CTNNA2: variants seen among roughly 807,000 people sequenced by gnomAD.
The protein encoded by CTNNA2 is catenin alpha 2.
Under a neutral mutation model 101.0 loss-of-function variants are expected in CTNNA2, and 42 were observed. The ratio of observed to expected loss-of-function variants is 0.42; its 90% CI spans 0.32 to 0.54. The LOEUF (loss-of-function observed/expected upper bound fraction) is 0.54. Ranked by LOEUF, CTNNA2 falls within the 20% of genes least tolerant of loss-of-function variation. The pLI, the probability that CTNNA2 is intolerant of heterozygous loss-of-function variation, is 0.14. For synonymous variants in CTNNA2, 450 were observed against 456.4 expected (o/e 0.99, Z 0.18); for missense variants, 871 against 1,223.1 (o/e 0.71, Z 4.29).
chr2:80,306,048 A>C (rs1676908331), intron 7 of CTNNA2, among the ~76,000 whole-genome samples: 1 of 152,202 alleles, frequency 6.6e-6, no homozygotes, highest in South Asian at 2.1e-4. Context: ...CTTAGCATCT[A>C]AGCTGAAGAG....
At chr2:79,854,352 G>C (rs752263032) in intron 3 of CTNNA2, among the ~76,000 whole-genome samples, 1 of 152,232 alleles carries the variant, frequency 6.6e-6, no homozygotes, top group South Asian at 2.1e-4. Flanking sequence ...AAGGCCCCAT[G>C]TTGGGTGCTT....
chr2:79,885,755 C>T (rs767210635), intron 6 of CTNNA2, among the ~76,000 whole-genome samples: 5 of 152,174 alleles, frequency 3.3e-5, no homozygotes, highest in African/African-American at 4.8e-5. Flanking sequence ...TCTATTAATG[C>T]TCCATAATAA....
intron 7 of CTNNA2, among the ~76,000 whole-genome samples, chr2:79,952,020 C>G (rs574023744): frequency 1.3e-5 from 2 of 152,292 alleles, no homozygotes; most frequent in South Asian, 4.1e-4. Context: ...TGTGCCTTCT[C>G]CCTGGAATGC....
intron 7 of CTNNA2, among the ~76,000 whole-genome samples, chr2:80,389,016 A>G (rs1253392228): frequency 6.6e-6 from 1 of 152,216 alleles, no homozygotes; most frequent in Non-Finnish European, 1.5e-5. Flanking sequence ...ACTGCCCCAA[A>G]TATTGCCTTT....
chr2:80,476,480 A>G (rs17019221), intron 9 of CTNNA2, among the ~76,000 whole-genome samples: 7,453 of 152,296 alleles, frequency 0.049, 587 homozygotes, highest in African/African-American at 0.16. Context: ...ACAAAGTGAC[A>G]GAAGTAACAT....
At chr2:79,855,432 C>G (rs1032306847) in intron 3 of CTNNA2, among the ~76,000 whole-genome samples, 1 of 152,168 alleles carries the variant, frequency 6.6e-6, no homozygotes, top group Non-Finnish European at 1.5e-5. Flanking sequence ...CCGATGGTGC[C>G]GCTAAGACAG....
intron 7 of CTNNA2, among the ~76,000 whole-genome samples, chr2:79,968,987 A>G (rs1023592598): frequency 6.6e-6 from 1 of 152,166 alleles, no homozygotes; most frequent in African/African-American, 2.4e-5. Context: ...TGAGACAGAT[A>G]CTATGATTAT....
intron 3 of CTNNA2, among the ~76,000 whole-genome samples, chr2:79,371,289 C>T (rs1677865943): frequency 6.6e-6 from 1 of 151,904 alleles, no homozygotes; most frequent in African/African-American, 2.4e-5. Flanking sequence ...TGAGGCTTCT[C>T]CAGACAGGAG....
chr2:79,447,625 G>C (rs1168327002), intron 4 of CTNNA2, among the ~76,000 whole-genome samples: 1 of 152,000 alleles, frequency 6.6e-6, no homozygotes, highest in Non-Finnish European at 1.5e-5. Flanking sequence ...CTAAAGCAGA[G>C]CTACATAGAC....
intron 6 of CTNNA2, among the ~76,000 whole-genome samples, chr2:79,894,475 G>C (rs140495836): frequency 1.0e-3 from 152 of 152,170 alleles, no homozygotes; most frequent in African/African-American, 3.6e-3. Flanking sequence ...AATCGTTTCC[G>C]TAGGTCCCTG....
intron 8 of CTNNA2, among the ~76,000 whole-genome samples, chr2:80,412,428 G>A (rs115737415): frequency 0.014 from 2,174 of 152,244 alleles, 25 homozygotes; most frequent in Middle Eastern, 0.068. Context: ...CACAGCCCAT[G>A]GCTATATAAT....
At chr2:79,305,767 C>T (rs543449363) in intron 2 of CTNNA2, among the ~76,000 whole-genome samples, 9 of 152,106 alleles carry the variant, frequency 5.9e-5, no homozygotes, top group South Asian at 2.1e-4. Flanking sequence ...GGCACTTGGC[C>T]GGGTGCGGTG....
intron 4 of CTNNA2, among the ~76,000 whole-genome samples, chr2:79,381,263 G>T (rs1233234119): frequency 6.6e-6 from 1 of 152,112 alleles, no homozygotes; most frequent in East Asian, 1.9e-4. Flanking sequence ...AAACTGAGAT[G>T]CATGTACCCC....
At chr2:80,067,175 G>A (rs1194791683) in intron 7 of CTNNA2, among the ~76,000 whole-genome samples, 1 of 81,300 alleles carries the variant, frequency 1.2e-5, no homozygotes, top group South Asian at 4.1e-4. Flanking sequence ...ACAACATGGT[G>A]ACTATAGTTA....
At chr2:80,387,943 C>T (rs1171770790) in intron 7 of CTNNA2, among the ~76,000 whole-genome samples, 2 of 152,072 alleles carry the variant, frequency 1.3e-5, no homozygotes, top group East Asian at 1.9e-4. Context: ...TTTTTAATAA[C>T]GATATTTATT....
intron 8 of CTNNA2, among the ~76,000 whole-genome samples, chr2:80,417,656 T>C (rs1680159392): frequency 6.6e-6 from 1 of 151,970 alleles, no homozygotes; most frequent in African/African-American, 2.4e-5. Flanking sequence ...CTTATTCTAA[T>C]TTATCATGTT....
intron 2 of CTNNA2, among the ~76,000 whole-genome samples, chr2:79,714,471 A>G (rs2104825710): frequency 6.6e-6 from 1 of 152,308 alleles, no homozygotes; most frequent in South Asian, 2.1e-4. Context: ...AAATATGGCT[A>G]TCATAGATTA....
intron 9 of CTNNA2, among the ~76,000 whole-genome samples, chr2:80,529,864 G>A (rs1690376301): frequency 2.0e-5 from 3 of 152,126 alleles, no homozygotes; most frequent in Non-Finnish European, 4.4e-5. Context: ...CTGAGGATGA[G>A]AGTAAAACAT....
rs76704615 is a variant in CTNNA2 at position 80,469,582 on chromosome 2, G to A, written c.1290+49981G>A. Among the ~76,000 whole-genome samples the A allele has an allele frequency of 7.0e-3, 1,071 of 152,302 alleles. 9 individuals carry two copies. The highest frequency in any genetic ancestry group is 0.02 in the African/African-American group (816 of 41,570). On this transcript the variant is annotated intron_variant, in intron 9 of 18. Coordinates refer to ENST00000402739, the MANE Select transcript of CTNNA2 (RefSeq NM_001282597.3). ...GTAGCTTTCTTGCTGAACACTGAAA[G>A]ACTGACAAGCCACAAATAGGAAGTT...
Sources: gnomAD v4.1 joint callset for allele counts (sites outside exome capture counted in the v4.1 genomes callset) on GRCh38, gnomAD v4.1.1 for gene constraint, MANE v1.5 for transcripts, NCBI Gene and HGNC (gene_info 2026-07-23, HGNC 2026-07-21) for gene names.